Variants in SMCO4 observed in about 807,000 individuals in gnomAD.
SMCO4 encodes the protein single-pass membrane protein with coiled-coil domains 4.
In SMCO4, 4 loss-of-function variants were observed where a neutral mutation model predicts 3.6. The ratio of observed to expected loss-of-function variants is 1.11; its 90% confidence interval spans 0.54 to 2.53. SMCO4 has a LOEUF of 2.53. SMCO4 is among the 30% of genes most tolerant of loss of function. The pLI, the probability that SMCO4 is intolerant of heterozygous loss-of-function variation, is 0.02. For synonymous variants in SMCO4, 36 were observed against 35.3 expected, an observed-to-expected ratio of 1.02 and a Z score of -0.07; for missense variants, 70 against 80.8, an observed-to-expected ratio of 0.87 and a Z score of 0.51.
intron 1 of SMCO4, among the ~76,000 whole-genome samples, chr11:93,525,495 G>C (rs1949097981): frequency 6.6e-6 from 1 of 152,124 alleles, no homozygotes; most frequent in Non-Finnish European, 1.5e-5. Flanking sequence ...GCAATTTTCA[G>C]AAAATTTAAG....
chr11:93,486,039 C>T (rs895696233), intron 2 of SMCO4, among the ~76,000 whole-genome samples: 1 of 152,110 alleles, frequency 6.6e-6, no homozygotes, highest in African/African-American at 2.4e-5. Flanking sequence ...ATTCCAAAGC[C>T]CACCCATCCT....
At chr11:93,535,466 G>A (rs1373035799) in intron 1 of SMCO4, 44 of 1,385,558 alleles carry the variant, frequency 3.2e-5, no homozygotes, top group Admixed American at 1.1e-4. Flanking sequence ...CAGAGTCGCC[G>A]CGATGGTGTT....
chr11:93,514,422 A>ATATACACATATATAT (rs1948990819), intron 1 of SMCO4, among the ~76,000 whole-genome samples: 3 of 103,894 alleles, frequency 2.9e-5, no homozygotes, highest in East Asian at 2.9e-4. Flanking sequence ...ATATATATAT[A>ATATACACATATATAT]AAATTTGGTC....
At chr11:93,517,799 A>G (rs1177230769) in intron 1 of SMCO4, among the ~76,000 whole-genome samples, 1 of 152,220 alleles carries the variant, frequency 6.6e-6, no homozygotes, top group Non-Finnish European at 1.5e-5. Flanking sequence ...TGACAAGCCA[A>G]GATCCCAGCC....
the SMCO4 span, among the ~76,000 whole-genome samples, chr11:93,549,536 C>A: frequency 1.3e-5 from 2 of 152,072 alleles, no homozygotes; most frequent in Non-Finnish European, 2.9e-5. Context: ...GCAGCTTCAA[C>A]CTCCTGGGCT....
At chr11:93,547,435 C>T (rs1949322633), upstream of SMCO4, among the ~76,000 whole-genome samples, 2 of 152,206 alleles carry the variant, frequency 1.3e-5, no homozygotes, top group Admixed American at 1.3e-4. Context: ...ATGTCGTCTT[C>T]TCAGAGAAGC....
intron 1 of SMCO4, among the ~76,000 whole-genome samples, chr11:93,542,005 T>C (rs574467030): frequency 6.6e-6 from 1 of 152,056 alleles, no homozygotes; most frequent in East Asian, 1.9e-4. Flanking sequence ...CTAACACATC[T>C]AGGACGAGAA....
intron 1 of SMCO4, among the ~76,000 whole-genome samples, chr11:93,514,413 T>TACATACAC (rs56700138): frequency 5.9e-5 from 2 of 33,950 alleles, no homozygotes. Context: ...TATATATATA[T>TACATACAC]ATATATATAA....
intron 1 of SMCO4, among the ~76,000 whole-genome samples, chr11:93,524,737 G>A (rs7481942): frequency 2.0e-5 from 3 of 152,298 alleles, no homozygotes; most frequent in Non-Finnish European, 4.4e-5. Flanking sequence ...GATGAGGAAT[G>A]GTGGGTCAAC....
At chr11:93,535,415 C>T in intron 1 of SMCO4, 3 of 1,065,048 alleles carry the variant, frequency 2.8e-6, no homozygotes, top group Non-Finnish European at 4.1e-6. Context: ...AGCCAAATAA[C>T]CAGTTCTCAC....
At chr11:93,503,654 C>G (rs1468260988) in intron 1 of SMCO4, among the ~76,000 whole-genome samples, 1 of 152,180 alleles carries the variant, frequency 6.6e-6, no homozygotes, top group African/African-American at 2.4e-5. Context: ...CACAGACACA[C>G]ACTGTGAAAA....
At chr11:93,486,159 G>A (rs1948647712) in intron 2 of SMCO4, among the ~76,000 whole-genome samples, 1 of 152,196 alleles carries the variant, frequency 6.6e-6, no homozygotes. Flanking sequence ...CCACAAACAT[G>A]CAAGCCTCAC....
chr11:93,481,792 C>T (rs1243712952), intron 2 of SMCO4, among the ~76,000 whole-genome samples: 1 of 152,214 alleles, frequency 6.6e-6, no homozygotes, highest in African/African-American at 2.4e-5. Context: ...TGGCCATTTC[C>T]TTGTGGAGCT....
intron 2 of SMCO4, among the ~76,000 whole-genome samples, chr11:93,487,338 A>T (rs988473069): frequency 3.3e-5 from 5 of 152,200 alleles, no homozygotes; most frequent in African/African-American, 1.2e-4. Context: ...GAACATATAC[A>T]TGAACAAACA....
rs80059132 is a variant in SMCO4, at chr11:93,510,535, T to C, written c.-153-11187A>G. 5.0e-3 allele frequency among the ~76,000 whole-genome samples: 757 copies of C among 152,280 alleles called. 4 individuals are homozygous for C. The highest frequency in any genetic ancestry group is 7.6e-3 in the Non-Finnish European group (519 of 68,020). On this transcript the variant is annotated intron_variant, in intron 1 of 2. Transcript: ENST00000298966. ...AGGGACCTTTTACACAATCTCCCAA[T>C]TGTCGAAAGCAGCCCAGATGTAGGC... is the stretch of plus-strand genomic sequence containing the variant.
chr11:93,479,279 GAAC>G lies in SMCO4; in HGVS notation c.-80-13_-80-11del, dbSNP rs1948563939. The stretch of plus-strand genomic sequence containing the variant: ...CCAAGGCTGGAACCTCCTGTAGAGA[GAAC>G]AACTGTGATAGTAGAGAATAAACCA... On this transcript the variant is annotated splice_polypyrimidine_tract_variant and intron_variant, in intron 2 of 2. Transcript: ENST00000298966. 2 of 1,507,218 alleles carry G rather than the reference GAAC, an allele frequency of 1.3e-6. No homozygotes were observed. The highest frequency in any genetic ancestry group is 1.4e-5 in the African/African-American group (1 of 71,814). 93.4% of individuals were successfully genotyped at this position (1,507,218 alleles called of 1,614,324 possible).
At chr11:93,507,345 A>G (rs532158385) in intron 1 of SMCO4, among the ~76,000 whole-genome samples, 4 of 152,156 alleles carry the variant, frequency 2.6e-5, no homozygotes, top group African/African-American at 4.8e-5. Context: ...GGTTGCAATG[A>G]CCTGAGATTG....
intron 1 of SMCO4, among the ~76,000 whole-genome samples, chr11:93,518,454 C>A (rs931659416): frequency 2.0e-5 from 3 of 152,162 alleles, no homozygotes; most frequent in African/African-American, 4.8e-5. Context: ...TGATCCAATT[C>A]TTTTGAGTAT....
At chr11:93,521,458 T>C (rs558398241) in intron 1 of SMCO4, among the ~76,000 whole-genome samples, 99 of 152,266 alleles carry the variant, frequency 6.5e-4, no homozygotes, top group African/African-American at 2.1e-3. Context: ...ATACCTGAGG[T>C]AGGTACCCTC....
Sources: allele counts gnomAD v4.1 joint callset (sites outside exome capture counted in the v4.1 genomes callset), GRCh38; gene constraint gnomAD v4.1.1; transcripts MANE v1.5; gene names NCBI Gene and HGNC (gene_info 2026-07-23, HGNC 2026-07-21).